Variants in ENPEP observed in about 807,000 individuals in gnomAD.
ENPEP encodes AP-A.
A neutral mutation model predicts 114.5 loss-of-function variants in ENPEP; 103 were observed. The ratio of observed to expected loss-of-function variants is 0.90; its 90% CI spans 0.77 to 1.06. The LOEUF is 1.06. ENPEP is among the 50% of genes least tolerant of loss of function. ENPEP has a pLI of 0.00. For synonymous variants in ENPEP, 420 were observed against 422.0 expected, an observed-to-expected ratio of 1.00 and a Z score of 0.06; for missense variants, 1,196 against 1,161.3, an observed-to-expected ratio of 1.03 and a Z score of -0.43.
intron 17 of ENPEP, among the ~76,000 whole-genome samples, chr4:110,551,074 T>G (rs889935467): frequency 6.7e-6 from 1 of 149,452 alleles, no homozygotes; most frequent in South Asian, 2.1e-4. Flanking sequence ...GGCAACATAG[T>G]GAGACCTCGT....
At chr4:110,534,504 CTTTTTTTTTT>C (rs71595561) in intron 11 of ENPEP, among the ~76,000 whole-genome samples, 9 of 52,274 alleles carry the variant, frequency 1.7e-4, no homozygotes, top group African/African-American at 2.9e-4. Flanking sequence ...TTCGTTGTTT[CTTTTTTTTTT>C]TTTTTTTTTT....
At chr4:110,500,362 A>T (rs1725108845) in intron 3 of ENPEP, among the ~76,000 whole-genome samples, 1 of 152,238 alleles carries the variant, frequency 6.6e-6, no homozygotes, top group Non-Finnish European at 1.5e-5. Flanking sequence ...ATAAGGCTGT[A>T]TAAAGCCCAA....
chr4:110,513,504 C>T lies in ENPEP; in HGVS notation c.1398C>T (p.Thr466=), dbSNP rs1404606319. 6.2e-7 allele frequency: 1 copy of T among 1,613,336 alleles called. No homozygotes were observed. The highest frequency in any genetic ancestry group is 8.5e-7 in the Non-Finnish European group (1 of 1,179,546). Residue 466 remains threonine (T), a synonymous_variant, in exon 7 of 20, where the codon ACC becomes ACT. Transcript: ENST00000265162. ...SSHPIIVTVT[T]PDEITSVFDG... ...ATCCAATTATTGTGACTGTGACAAC[C>T]CCTGATGAAATAACATCTGTTTTTG... is the stretch of plus-strand genomic sequence containing the variant.
intron 17 of ENPEP, among the ~76,000 whole-genome samples, chr4:110,550,141 G>C (rs1240011229): frequency 6.6e-6 from 1 of 152,010 alleles, no homozygotes; most frequent in Non-Finnish European, 1.5e-5. Context: ...CCAGGACCCA[G>C]GCTCTTCTCT....
At chr4:110,513,759 T>A (rs572889496) in intron 7 of ENPEP, among the ~76,000 whole-genome samples, 1 of 152,314 alleles carries the variant, frequency 6.6e-6, no homozygotes, top group East Asian at 1.9e-4. Flanking sequence ...AAGAGATTTT[T>A]AAGAATTTCT....
At chr4:110,537,483 C>G (rs1726681321) in intron 11 of ENPEP, among the ~76,000 whole-genome samples, 1 of 152,190 alleles carries the variant, frequency 6.6e-6, no homozygotes, top group Non-Finnish European at 1.5e-5. Context: ...TCAGATACAT[C>G]TTCAGGGTTC....
chr4:110,476,949 C>A lies in ENPEP; in HGVS notation c.535C>A (p.Pro179Thr). 1 of 1,614,170 alleles carries A rather than the reference C, an allele frequency of 6.2e-7. No homozygotes were observed. The highest frequency in any genetic ancestry group is 1.1e-5 in the South Asian group (1 of 91,080). Residue 179 changes from proline to threonine, a missense_variant, in exon 1 of 20, where the codon CCC becomes ACC. Pro to Thr is a conservative substitution (Grantham distance 38). Transcript: ENST00000265162. ...VVVEAEEELT[P>T]SSGDGLYLLT... ...GGTCGAGGCGGAGGAAGAGCTTACC[C>A]CCAGCAGTGGAGATGGCCTGTATCT...
rs1354808741 is a variant in ENPEP at position 110,561,586 on chromosome 4, G to A, written c.*28G>A. 1 of 1,598,532 alleles carries A rather than the reference G, an allele frequency of 6.3e-7. No individual in the cohort carries two copies. Among genetic ancestry groups the A allele is most frequent in the Admixed American group, 1.8e-5 (1 of 56,336 alleles). ...TATTCAAATGTTAGAGTTTAATTTT[G>A]TGAATCTATTGTTTCTCCTCTGAAG... On this transcript the variant is annotated 3_prime_UTR_variant, in exon 20 of 20. Coordinates refer to ENST00000265162, the MANE Select transcript of ENPEP (RefSeq NM_001977.4).
intron 11 of ENPEP, among the ~76,000 whole-genome samples, chr4:110,536,748 T>C (rs1278293328): frequency 6.6e-6 from 1 of 152,208 alleles, no homozygotes; most frequent in Non-Finnish European, 1.5e-5. Flanking sequence ...TTATTTTTTT[T>C]CAACTACCAA....
intron 1 of ENPEP, among the ~76,000 whole-genome samples, chr4:110,484,769 A>AC (rs1428823154): frequency 2.0e-5 from 2 of 97,578 alleles, no homozygotes; most frequent in Non-Finnish European, 4.3e-5. Context: ...TATATATTAT[A>AC]TTATATATAT....
intron 18 of ENPEP, among the ~76,000 whole-genome samples, chr4:110,556,766 T>C (rs1240678563): frequency 2.6e-5 from 4 of 152,182 alleles, no homozygotes; most frequent in African/African-American, 9.6e-5. Flanking sequence ...CAATGCTCAG[T>C]GTTGTTATTT....
At chr4:110,538,126 A>G (rs1374561819) in intron 11 of ENPEP, among the ~76,000 whole-genome samples, 7 of 152,120 alleles carry the variant, frequency 4.6e-5, no homozygotes, top group Admixed American at 3.3e-4. Flanking sequence ...AGCTGCATCC[A>G]CCCCTAATGA....
chr4:110,543,650 T>C (rs1448223236), intron 13 of ENPEP, among the ~76,000 whole-genome samples: 1 of 152,020 alleles, frequency 6.6e-6, no homozygotes, highest in Non-Finnish European at 1.5e-5. Context: ...TACCTCTATT[T>C]TTTTTTTAAT....
chr4:110,531,196 A>T lies in ENPEP; in HGVS notation c.1728-2A>T. 2.8e-6 allele frequency: 4 copies of T among 1,440,826 alleles called. No homozygotes were observed. Among genetic ancestry groups the T allele is most frequent in the Non-Finnish European group, 3.7e-6 (4 of 1,078,580 alleles). The allele number at this position is 1,440,826 out of a possible 1,614,324, so 89.3% of individuals were successfully genotyped here. A position where few individuals can be genotyped will look rare whatever the true frequency, so the allele number is the denominator to read the frequency against. On this transcript the variant is annotated splice_acceptor_variant, in intron 10 of 19. Transcript: ENST00000265162. LOFTEE classifies it high-confidence loss of function. ...AAATTTTTCTTTTTAAAAAAATTTT[A>T]GTTATACATGGAATATCCCAGTTAA...
chr4:110,518,106 C>G (rs1252855630), intron 8 of ENPEP, among the ~76,000 whole-genome samples: 1 of 152,188 alleles, frequency 6.6e-6, no homozygotes, highest in Non-Finnish European at 1.5e-5. Context: ...CTCTTTCATG[C>G]TCATCACCTT....
chr4:110,482,744 C>G (rs1578389303), intron 1 of ENPEP, among the ~76,000 whole-genome samples: 1 of 152,202 alleles, frequency 6.6e-6, no homozygotes, highest in African/African-American at 2.4e-5. Flanking sequence ...CGAGGTGGCT[C>G]ATGCCTGTAA....
chr4:110,481,621 A>G (rs1335874629), intron 1 of ENPEP, among the ~76,000 whole-genome samples: 1 of 152,144 alleles, frequency 6.6e-6, no homozygotes, highest in Admixed American at 6.6e-5. Flanking sequence ...TCTCCCATAA[A>G]CGAGCCTAAC....
At chr4:110,548,139 GTTTTTTTTTTT>G (rs3042468) in intron 13 of ENPEP, 26 bp from the exon 14 acceptor site, 1,262 of 691,822 alleles carry the variant, frequency 1.8e-3, no homozygotes, top group African/African-American at 0.012. Flanking sequence ...TTAACTGTGA[GTTTTTTTTTTT>G]TTTTTTTTTT....
At position 110,491,153 on chromosome 4, in the gene ENPEP, A is replaced by G. The variant is rs531654231; in HGVS notation, c.907A>G (p.Ser303Gly). The change falls in exon 3 of 20, where the codon AGT becomes GGT. Residue 303 changes from serine to glycine, a missense_variant. Ser to Gly is a moderately conservative substitution (Grantham distance 56). Transcript: ENST00000265162. ...QFDSVKRISN[S>G]GKPLTIYVQP... is the part of the protein sequence containing the mutation. ...TGACTCTGTAAAGAGAATATCAAATAGTGGAAAACCTGTGAGTCTCATTAT... is the reference window on the plus strand; with the variant it reads ...TGACTCTGTAAAGAGAATATCAAATGGTGGAAAACCTGTGAGTCTCATTAT... 9.3e-6 allele frequency: 15 copies of G among 1,604,494 alleles called. No individual in the cohort carries two copies. Among genetic ancestry groups the G allele is most frequent in the Non-Finnish European group, 1.2e-5 (14 of 1,177,340 alleles).
Sources: gnomAD v4.1 joint callset for allele counts (sites outside exome capture counted in the v4.1 genomes callset) on GRCh38, gnomAD v4.1.1 for gene constraint, MANE v1.5 for transcripts, NCBI Gene and HGNC (gene_info 2026-07-23, HGNC 2026-07-21) for gene names.